DLGAP4: variants seen among roughly 807,000 people sequenced by gnomAD.
DLGAP4 encodes the protein disks large-associated protein 4.
In DLGAP4, 18 loss-of-function variants were observed where a neutral mutation model predicts 86.9. That is an observed-to-expected ratio of 0.21 (90% confidence interval 0.14 to 0.31). The LOEUF (loss-of-function observed/expected upper bound fraction) is 0.31. Ranked by LOEUF, DLGAP4 falls within the 10% of genes least tolerant of loss-of-function variation. The pLI is 1.00. For synonymous variants in DLGAP4, 548 were observed against 574.3 expected, an observed-to-expected ratio of 0.95 and a Z score of 0.65; for missense variants, 1,085 against 1,362.6, an observed-to-expected ratio of 0.80 and a Z score of 3.21.
intron 7 of DLGAP4, among the ~76,000 whole-genome samples, chr20:36,466,985 CTCTCTG>C (rs1225158294): frequency 8.0e-5 from 12 of 149,428 alleles, no homozygotes; most frequent in East Asian, 3.9e-4. Context: ...CTCTCTCTCT[CTCTCTG>C]TCTCTGTCTC....
intron 8 of DLGAP4, 43 bp downstream of exon 8, chr20:36,497,109 G>A (rs755976784): frequency 6.5e-7 from 1 of 1,537,028 alleles, no homozygotes; most frequent in Admixed American, 2.0e-5. Flanking sequence ...CCCACTCCGT[G>A]CACCTGCCTG....
At chr20:36,521,991 C>A (rs1260624846) in intron 10 of DLGAP4, among the ~76,000 whole-genome samples, 1 of 152,182 alleles carries the variant, frequency 6.6e-6, no homozygotes, top group African/African-American at 2.4e-5. Flanking sequence ...GTGTCCCAGG[C>A]TGGCAGGAAT....
chr20:36,361,852 G>T (rs2030532279), intron 1 of DLGAP4, among the ~76,000 whole-genome samples: 1 of 151,884 alleles, frequency 6.6e-6, no homozygotes, highest in Non-Finnish European at 1.5e-5. Context: ...GGTGGTGCAT[G>T]TCTGTAGTCC....
chr20:36,337,694 G>A (rs1484764103), intron 1 of DLGAP4, among the ~76,000 whole-genome samples: 1 of 152,214 alleles, frequency 6.6e-6, no homozygotes, highest in Non-Finnish European at 1.5e-5. Flanking sequence ...TTCCCCCCCA[G>A]GATGTTTCAA....
At chr20:36,376,772 C>G (rs890156585) in intron 2 of DLGAP4, among the ~76,000 whole-genome samples, 8 of 152,154 alleles carry the variant, frequency 5.3e-5, no homozygotes, top group Admixed American at 6.5e-5. Context: ...CCTGATGAGG[C>G]CTCCAGGGTC....
chr20:36,462,740 G>A, intron 7 of DLGAP4: 2 of 1,197,580 alleles, frequency 1.7e-6, no homozygotes, highest in Non-Finnish European at 2.3e-6. Context: ...GGAAAGGAGG[G>A]AGGGGCCAGG....
intron 1 of DLGAP4, among the ~76,000 whole-genome samples, chr20:36,360,818 G>T (rs919447467): frequency 1.3e-5 from 2 of 151,944 alleles, no homozygotes; most frequent in Non-Finnish European, 2.9e-5. Context: ...CTAGCTTGGG[G>T]TCTTGAGTGA....
rs1343738602 is a variant in DLGAP4, at chr20:36,442,764, G to A, written c.1394G>A (p.Gly465Asp). ...GCCTCCCTGATCCCCCAGTTGTTTGGCCATGAGCAGCAGGTCAGTATGTTT... is the reference window on the plus strand; with the variant it reads ...GCCTCCCTGATCCCCCAGTTGTTTGACCATGAGCAGCAGGTCAGTATGTTT... ...GQASLIPQLFGHEQQVREAEL... is the reference protein window; with the variant it reads ...GQASLIPQLFDHEQQVREAEL... Residue 465 changes from glycine (G) to aspartate (D), a missense_variant, in exon 6 of 13, where the codon GGC becomes GAC. Around this residue, in one of 2 missense-constraint regions of DLGAP4, gnomAD observed 1,082 missense variants for 1,344.1 expected, o/e 0.81. Coordinates refer to ENST00000339266, the MANE Select transcript of DLGAP4 (RefSeq NM_001365621.2). 3.1e-6 allele frequency: 5 copies of A among 1,614,102 alleles called. No homozygotes were observed. Among genetic ancestry groups the A allele is most frequent in the Non-Finnish European group, 4.2e-6 (5 of 1,180,018 alleles).
intron 10 of DLGAP4, among the ~76,000 whole-genome samples, chr20:36,506,014 A>G (rs978740834): frequency 1.9e-4 from 29 of 152,162 alleles, no homozygotes; most frequent in Non-Finnish European, 8.8e-5. Flanking sequence ...GTATTTCACC[A>G]TATATTCAAT....
intron 3 of DLGAP4, among the ~76,000 whole-genome samples, chr20:36,433,294 G>C (rs573957332): frequency 4.3e-4 from 65 of 152,372 alleles, no homozygotes; most frequent in African/African-American, 1.5e-3. Flanking sequence ...GTGTGATGGG[G>C]ATCAGCACCA....
chr20:36,369,782 A>G (rs1417632402), intron 2 of DLGAP4, among the ~76,000 whole-genome samples: 1 of 152,212 alleles, frequency 6.6e-6, no homozygotes, highest in Admixed American at 6.5e-5. Context: ...TTTCTATTAC[A>G]TATCACAGTA....
rs902767533 is a variant in DLGAP4 at position 36,436,409 on chromosome 20, G to T, written c.1241+59G>T. 63 of 1,497,928 alleles carry T rather than the reference G, an allele frequency of 4.2e-5. No individual in the cohort carries two copies. The African/African-American group carries it at 7.9e-4, about 19-fold the overall frequency. The allele number at this position is 1,497,928 out of a possible 1,614,324, so 92.8% of individuals were successfully genotyped here. A position where few individuals can be genotyped will look rare whatever the true frequency, so the allele number is the denominator to read the frequency against. On this transcript the variant is annotated intron_variant, in intron 4 of 12. Coordinates refer to ENST00000339266, the MANE Select transcript of DLGAP4 (RefSeq NM_001365621.2). ...CAGAGGCAAGCCCCGCCCACTACGAGTCTTGCTCCCTGGGAGGAGCCCTGC... is the reference window on the plus strand; with the variant it reads ...CAGAGGCAAGCCCCGCCCACTACGATTCTTGCTCCCTGGGAGGAGCCCTGC...
At chr20:36,474,234 G>A (rs2034807557) in intron 7 of DLGAP4, among the ~76,000 whole-genome samples, 1 of 152,234 alleles carries the variant, frequency 6.6e-6, no homozygotes, top group Non-Finnish European at 1.5e-5. Context: ...GCTGTTTGGA[G>A]TGGAGTCAGT....
At chr20:36,483,100 G>C (rs2035261482) in intron 7 of DLGAP4, among the ~76,000 whole-genome samples, 2 of 152,204 alleles carry the variant, frequency 1.3e-5, no homozygotes, top group South Asian at 4.1e-4. Flanking sequence ...CTGGGGCAGG[G>C]ACCACTGAGC....
chr20:36,369,731 A>G (rs2030849268), intron 2 of DLGAP4, among the ~76,000 whole-genome samples: 1 of 152,172 alleles, frequency 6.6e-6, no homozygotes. Context: ...TCCTTTTGAT[A>G]TTTTACTGCA....
At chr20:36,384,245 G>A (rs971738380) in intron 2 of DLGAP4, among the ~76,000 whole-genome samples, 1 of 152,064 alleles carries the variant, frequency 6.6e-6, no homozygotes, top group Admixed American at 6.5e-5. Context: ...ATTTGGCCTG[G>A]TCCCGACGCC....
rs1205091169 is a variant in DLGAP4, at chr20:36,332,715, G to A, written c.-304+26203G>A. On this transcript the variant is annotated intron_variant, in intron 1 of 12. Transcript: ENST00000339266. Reference sequence around the variant, plus strand: ...GAGGAGGTGCCCCCATTTCACAGGTGAGGAAGTGGAGACTCAGAGGGGAAA... The same window carrying A: ...GAGGAGGTGCCCCCATTTCACAGGTAAGGAAGTGGAGACTCAGAGGGGAAA... Among the ~76,000 whole-genome samples the A allele has an allele frequency of 3.3e-5, 5 of 152,228 alleles. No homozygotes were observed. In the East Asian group the frequency reaches 9.7e-4, roughly 29 times the overall value.
At chr20:36,502,582 G>A (rs989930787) in intron 10 of DLGAP4, among the ~76,000 whole-genome samples, 3 of 150,912 alleles carry the variant, frequency 2.0e-5, no homozygotes, top group Non-Finnish European at 3.0e-5. Context: ...AAACTCCTGG[G>A]CTCAAGCCAT....
At chr20:36,319,500 C>T (rs78835674) in intron 1 of DLGAP4, among the ~76,000 whole-genome samples, 3,110 of 152,330 alleles carry the variant, frequency 0.02, 127 homozygotes, top group African/African-American at 0.071. Flanking sequence ...CCTTCTGGCA[C>T]TCCCTCCCTA....
Sources: allele counts gnomAD v4.1 joint callset (sites outside exome capture counted in the v4.1 genomes callset), GRCh38; gene constraint gnomAD v4.1.1; regional missense constraint gnomAD v4.1.1; transcripts MANE v1.5; gene names NCBI Gene and HGNC (gene_info 2026-07-23, HGNC 2026-07-21).